Variants in CLCA4 observed in about 807,000 individuals in gnomAD.
The protein encoded by CLCA4 is chloride channel accessory 4, also known as calcium-activated chloride channel regulator 4.
In CLCA4, 69 loss-of-function variants were observed where a neutral mutation model predicts 78.9. The ratio of observed to expected loss-of-function variants is 0.87; its 90% CI spans 0.72 to 1.07. CLCA4 has a LOEUF of 1.07. Among genes scored for constraint, CLCA4 ranks in the 50% least tolerant of loss-of-function variants. The pLI, the probability that CLCA4 is intolerant of heterozygous loss-of-function variation, is 0.00. For synonymous variants in CLCA4, 362 were observed against 375.8 expected (o/e 0.96, Z 0.42); for missense variants, 1,133 against 1,095.8 (o/e 1.03, Z -0.48).
chr1:86,566,709 A>C (rs1368486361), intron 6 of CLCA4, among the ~76,000 whole-genome samples: 1 of 152,040 alleles, frequency 6.6e-6, no homozygotes, highest in African/African-American at 2.4e-5. Flanking sequence ...GGGAGTTCAG[A>C]AGGAAATTTG....
chr1:86,558,698 C>G (rs1312035220), intron 1 of CLCA4, among the ~76,000 whole-genome samples: 1 of 152,040 alleles, frequency 6.6e-6, no homozygotes, highest in African/African-American at 2.4e-5. Flanking sequence ...AGGGGGAAGC[C>G]CCTTATGAAA....
chr1:86,575,451 T>A lies in CLCA4; in HGVS notation c.1803T>A (p.Asn601Lys). Residue 601 changes from asparagine to lysine, a missense_variant, in exon 11 of 14, where the codon AAT becomes AAA. By Grantham distance (94) the Asn-to-Lys change is moderately conservative (BLOSUM62 0). Transcript: ENST00000370563. ...VPPITVNAKM[N>K]KDVNSFPSPM... ...CAATCACAGTGAATGCTAAAATGAA[T>A]AAGGACGTAAACAGTTTCCCCAGCC... 2 of 1,613,492 alleles carry A rather than the reference T, an allele frequency of 1.2e-6. No individual in the cohort carries two copies. The highest frequency in any genetic ancestry group is 1.7e-6 in the Non-Finnish European group (2 of 1,179,632).
chr1:86,576,024 G>A (rs926643815), intron 11 of CLCA4, among the ~76,000 whole-genome samples: 1 of 151,988 alleles, frequency 6.6e-6, no homozygotes, highest in Non-Finnish European at 1.5e-5. Flanking sequence ...CCTGGGAGGT[G>A]GAGGTTGCAG....
chr1:86,576,523 G>A (rs1399154596), intron 11 of CLCA4, among the ~76,000 whole-genome samples: 1 of 151,938 alleles, frequency 6.6e-6, no homozygotes, highest in Non-Finnish European at 1.5e-5. Flanking sequence ...TTATCATCCA[G>A]GCAACCAATG....
chr1:86,551,728 C>T lies in CLCA4; in HGVS notation c.159+4450C>T, dbSNP rs145628564. The stretch of plus-strand genomic sequence containing the variant: ...GAACACCGCCTGTCAGAAGGCACCA[C>T]GGAGGGTCTCTGAGGTCCTGAAGAC... On this transcript the variant is annotated intron_variant, in intron 1 of 13. Coordinates refer to ENST00000370563, the MANE Select transcript of CLCA4 (RefSeq NM_012128.4). Among the ~76,000 whole-genome samples, 32 of 152,326 alleles carry T rather than the reference C, an allele frequency of 2.1e-4. 1 individual carries two copies. The East Asian group carries it at 6.0e-3, about 28-fold the overall frequency.
intron 3 of CLCA4, among the ~76,000 whole-genome samples, chr1:86,562,095 CAT>C (rs939478600): frequency 7.9e-5 from 12 of 152,032 alleles, no homozygotes; most frequent in South Asian, 2.1e-4. Context: ...CACACACACA[CAT>C]GGTGCAAGGA....
At chr1:86,573,965 C>T (rs1015174704) in intron 9 of CLCA4, among the ~76,000 whole-genome samples, 2 of 152,000 alleles carry the variant, frequency 1.3e-5, no homozygotes, top group Non-Finnish European at 2.9e-5. Context: ...TGAGGTAATG[C>T]CTATGTTAAT....
chr1:86,552,675 A>T, intron 1 of CLCA4: 2 of 965,834 alleles, frequency 2.1e-6, no homozygotes, highest in Non-Finnish European at 3.3e-6. Context: ...TCGGACTTGC[A>T]GATGGAGCTG....
In CLCA4 at chr1:86,547,292, G is replaced by T; in HGVS notation, c.159+14G>T. The stretch of plus-strand genomic sequence containing the variant: ...GAACAAATAGAGGTAAGAACAAAAT[G>T]GAATATCTTTCATTAATTTTTAGTT... On this transcript the variant is annotated intron_variant, in intron 1 of 13. Coordinates refer to ENST00000370563, the MANE Select transcript of CLCA4 (RefSeq NM_012128.4). The T allele has an allele frequency of 6.5e-7, 1 of 1,534,018 alleles. No individual in the cohort carries two copies. Among genetic ancestry groups the T allele is most frequent in the South Asian group, 1.3e-5 (1 of 78,474 alleles).
intron 1 of CLCA4, among the ~76,000 whole-genome samples, chr1:86,551,410 C>T (rs972764): frequency 0.21 from 31,909 of 151,872 alleles, 3,998 homozygotes; most frequent in African/African-American, 0.36. Context: ...ACCTTTTTGG[C>T]TAAGGGGTGA....
In CLCA4 at chr1:86,560,093, T is replaced by C. The variant is rs543487907; in HGVS notation, c.300+21T>C. 10 of 1,564,302 alleles carry C rather than the reference T, an allele frequency of 6.4e-6. No individual in the cohort carries two copies. The African/African-American group carries it at 1.2e-4, about 20-fold the overall frequency. ...AACATGTAAGTGTCGAAATATTCTC[T>C]TAAAAAATTATATTTTCTGATATTA... On this transcript the variant is annotated intron_variant, in intron 2 of 13. Transcript: ENST00000370563.
In CLCA4 at chr1:86,559,934, T is replaced by C; in HGVS notation, c.162T>C (p.Asp54=). The C allele has an allele frequency of 2.5e-6, 4 of 1,592,804 alleles. No individual in the cohort carries two copies. In the South Asian group the frequency reaches 4.6e-5, roughly 18 times the overall value. Residue 54 remains aspartate (D), a splice_region_variant and synonymous_variant, in exon 2 of 14, where the codon GAT becomes GAC. Transcript: ENST00000370563. ...CATATTTTTTCCTTTAATGACAGGA[T>C]ATGGTGACTACAGCTTCTACGTACC... ...EDEKIIEQIE[D]MVTTASTYLF...
intron 1 of CLCA4, among the ~76,000 whole-genome samples, chr1:86,548,159 C>A (rs1248806978): frequency 6.6e-6 from 1 of 152,132 alleles, no homozygotes; most frequent in Non-Finnish European, 1.5e-5. Context: ...GATGGTGTCT[C>A]ATTCTGGTTT....
At chr1:86,561,096 C>T (rs766035371) in intron 3 of CLCA4, among the ~76,000 whole-genome samples, 1 of 152,212 alleles carries the variant, frequency 6.6e-6, no homozygotes, top group Non-Finnish European at 1.5e-5. Context: ...TCTCTTGTCT[C>T]TGCCAAACAT....
chr1:86,547,472 A>G (rs1649537476), intron 1 of CLCA4, among the ~76,000 whole-genome samples, 194 bp downstream of exon 1: 2 of 152,210 alleles, frequency 1.3e-5, no homozygotes, highest in Admixed American at 6.5e-5. Flanking sequence ...CGGGAACATT[A>G]TAATTATTCT....
At chr1:86,557,820 T>C (rs902371490) in intron 1 of CLCA4, among the ~76,000 whole-genome samples, 1 of 152,124 alleles carries the variant, frequency 6.6e-6, no homozygotes, top group African/African-American at 2.4e-5. Context: ...TGGGAGTCTA[T>C]GTCTCTTTTT....
intron 9 of CLCA4, 128 bp downstream of exon 9, chr1:86,572,848 C>A: frequency 1.4e-6 from 1 of 690,658 alleles, no homozygotes; most frequent in South Asian, 1.6e-5. Context: ...AAACTTTAAT[C>A]TTAAATAGAA....
At chr1:86,556,489 A>G (rs1029390126) in intron 1 of CLCA4, among the ~76,000 whole-genome samples, 1 of 152,124 alleles carries the variant, frequency 6.6e-6, no homozygotes, top group Admixed American at 6.5e-5. Context: ...AATCACTTTT[A>G]TTGATTTGTG....
At chr1:86,556,142 A>T (rs1649833286) in intron 1 of CLCA4, among the ~76,000 whole-genome samples, 1 of 152,146 alleles carries the variant, frequency 6.6e-6, no homozygotes, top group South Asian at 2.1e-4. Context: ...ATTATGTCAT[A>T]ATCAAAGAGG....
Sources: gnomAD v4.1 joint callset for allele counts (sites outside exome capture counted in the v4.1 genomes callset) on GRCh38, gnomAD v4.1.1 for gene constraint, MANE v1.5 for transcripts, NCBI Gene and HGNC (gene_info 2026-07-23, HGNC 2026-07-21) for gene names.